YES1: variants seen among roughly 807,000 people sequenced by gnomAD.
YES1 encodes tyrosine-protein kinase Yes.
A neutral mutation model predicts 70.4 loss-of-function variants in YES1; 39 were observed. The observed-to-expected ratio is 0.55, with a 90% CI of 0.43 to 0.72. YES1 has a LOEUF of 0.72. Among genes scored for constraint, YES1 ranks in the 30% least tolerant of loss-of-function variants. The pLI is 0.00. For missense variants in YES1, 495 were observed against 644.8 expected, an observed-to-expected ratio of 0.77 and a Z score of 2.52; for synonymous variants, 198 against 218.6, an observed-to-expected ratio of 0.91 and a Z score of 0.83.
chr18:810,202 T>C (rs556398440), intron 1 of YES1, among the ~76,000 whole-genome samples: 37 of 152,350 alleles, frequency 2.4e-4, no homozygotes, highest in African/African-American at 8.7e-4. Flanking sequence ...ATTTCAACTT[T>C]GAATAAGTAA....
intron 2 of YES1, among the ~76,000 whole-genome samples, chr18:752,893 A>C (rs1389380517): frequency 4.6e-5 from 7 of 152,180 alleles, no homozygotes; most frequent in Non-Finnish European, 1.5e-5. Context: ...CCATGAGCCG[A>C]GATTATGCCA....
chr18:745,602 A>G, intron 6 of YES1, 106 bp downstream of exon 6: 1 of 1,062,038 alleles, frequency 9.4e-7, no homozygotes, highest in Non-Finnish European at 1.4e-6. Flanking sequence ...GGCATGTATT[A>G]TGTGTAAATA....
intron 1 of YES1, among the ~76,000 whole-genome samples, chr18:767,678 A>G (rs1904974873): frequency 2.0e-5 from 3 of 152,216 alleles, no homozygotes; most frequent in Middle Eastern, 3.4e-3. Context: ...TTGAAATTAT[A>G]TAATATAAAG....
At chr18:801,280 C>T (rs1906808114) in intron 1 of YES1, among the ~76,000 whole-genome samples, 1 of 152,158 alleles carries the variant, frequency 6.6e-6, no homozygotes, top group African/African-American at 2.4e-5. Context: ...CTGCAGTTAG[C>T]AGTGATTGTG....
At chr18:799,247 T>C (rs1906697528) in intron 1 of YES1, among the ~76,000 whole-genome samples, 1 of 152,222 alleles carries the variant, frequency 6.6e-6, no homozygotes, top group African/African-American at 2.4e-5. Flanking sequence ...TAATTACCTG[T>C]TCTCCCAAAA....
intron 1 of YES1, among the ~76,000 whole-genome samples, chr18:801,363 T>A (rs1469698410): frequency 6.6e-6 from 1 of 151,926 alleles, no homozygotes; most frequent in Non-Finnish European, 1.5e-5. Flanking sequence ...CAAACTAGTA[T>A]AGAAGACTAT....
intron 1 of YES1, among the ~76,000 whole-genome samples, chr18:758,246 T>A (rs139200126): frequency 6.6e-6 from 1 of 152,306 alleles, no homozygotes; most frequent in Non-Finnish European, 1.5e-5. Flanking sequence ...AAATCTGATG[T>A]GTATTTTGTA....
intron 1 of YES1, among the ~76,000 whole-genome samples, chr18:764,394 G>C (rs1019164544): frequency 1.3e-5 from 2 of 151,894 alleles, no homozygotes; most frequent in African/African-American, 4.8e-5. Context: ...GGCTAATTTT[G>C]TATTTTTAGT....
At chr18:763,703 CAAAAAAAAAAAA>C (rs71174286) in intron 1 of YES1, among the ~76,000 whole-genome samples, 13 of 63,702 alleles carry the variant, frequency 2.0e-4, no homozygotes, top group Non-Finnish European at 3.2e-4. Context: ...ATCCTGTCTT[CAAAAAAAAAAAA>C]AAAAAAAAAA....
intron 1 of YES1, among the ~76,000 whole-genome samples, chr18:790,575 G>A (rs1264872925): frequency 6.6e-6 from 1 of 152,034 alleles, no homozygotes; most frequent in African/African-American, 2.4e-5. Flanking sequence ...CAAAGGGAGA[G>A]TACACAGTAT....
chr18:802,994 G>A (rs1213870623), intron 1 of YES1, among the ~76,000 whole-genome samples: 1 of 151,764 alleles, frequency 6.6e-6, no homozygotes, highest in Non-Finnish European at 1.5e-5. Flanking sequence ...TTGGGAGGCC[G>A]AGGCGGGAGG....
chr18:742,966 C>T lies in YES1; in HGVS notation c.1012G>A (p.Val338Ile). The T allele has an allele frequency of 1.2e-6, 2 of 1,606,206 alleles. No homozygotes were observed. The highest frequency in any genetic ancestry group is 1.7e-6 in the Non-Finnish European group (2 of 1,178,316). ...ATGTAAATTGGTTCTTCAGAAACAA[C>T]AGCATATAGTGGAACAAGTTTATCA... ...RHDKLVPLYA[V>I]VSEEPIYIVT... The change falls in exon 8 of 12, where the codon GTT becomes ATT. Residue 338 changes from valine (V) to isoleucine (I), a missense_variant. Physicochemically the swap from Val to Ile is conservative, Grantham distance 29 (BLOSUM62 3). Transcript: ENST00000314574.
At position 746,054 on chromosome 18, in the gene YES1, G is replaced by T; in HGVS notation, c.471-3C>A. ...TCCCCATTTTGCCAAAATACCATCTGGAAAAAAATTAAGTGTTTTGAATTG... is the reference window on the plus strand; with the variant it reads ...TCCCCATTTTGCCAAAATACCATCTTGAAAAAAATTAAGTGTTTTGAATTG... On this transcript the variant is annotated splice_polypyrimidine_tract_variant and splice_region_variant and intron_variant, in intron 4 of 11. Transcript: ENST00000314574. 6.2e-7 allele frequency: 1 copy of T among 1,605,128 alleles called. No homozygotes were observed. Among genetic ancestry groups the T allele is most frequent in the Non-Finnish European group, 8.5e-7 (1 of 1,176,006 alleles).
intron 11 of YES1, among the ~76,000 whole-genome samples, chr18:727,159 C>T (rs897145119): frequency 6.6e-6 from 1 of 152,084 alleles, no homozygotes; most frequent in Non-Finnish European, 1.5e-5. Flanking sequence ...CATTTTGAAG[C>T]TATGTAGTTA....
intron 1 of YES1, among the ~76,000 whole-genome samples, chr18:805,451 T>C (rs370073093): frequency 2.0e-5 from 3 of 152,240 alleles, no homozygotes; most frequent in Non-Finnish European, 2.9e-5. Context: ...AGCATGACTA[T>C]ATTGTAACAA....
chr18:727,945 C>A (rs1568182154), intron 11 of YES1, among the ~76,000 whole-genome samples: 2 of 152,176 alleles, frequency 1.3e-5, no homozygotes, highest in South Asian at 4.2e-4. Context: ...ATGTTTGGGA[C>A]CAGAAGTGTT....
intron 11 of YES1, among the ~76,000 whole-genome samples, chr18:730,741 T>C (rs1301313409): frequency 1.3e-5 from 2 of 152,198 alleles, no homozygotes; most frequent in Admixed American, 6.5e-5. Context: ...TATTTAACTT[T>C]TGTAGTTGTT....
chr18:785,407 T>A (rs1339921881), intron 1 of YES1, among the ~76,000 whole-genome samples: 2 of 152,164 alleles, frequency 1.3e-5, no homozygotes, highest in African/African-American at 2.4e-5. Flanking sequence ...AGTATAATAC[T>A]GAGTGTTAGG....
intron 8 of YES1, among the ~76,000 whole-genome samples, chr18:741,383 T>C (rs987543064): frequency 6.6e-6 from 1 of 152,022 alleles, no homozygotes; most frequent in Admixed American, 6.6e-5. Flanking sequence ...AGGGAATACA[T>C]GTGTGTGCAA....
Sources: allele counts gnomAD v4.1 joint callset (sites outside exome capture counted in the v4.1 genomes callset), GRCh38; gene constraint gnomAD v4.1.1; transcripts MANE v1.5; gene names NCBI Gene and HGNC (gene_info 2026-07-23, HGNC 2026-07-21).